Variants in COP1 observed in about 807,000 individuals in gnomAD.
COP1 encodes the protein COP1 E3 ubiquitin ligase, also known as E3 ubiquitin-protein ligase COP1.
COP1 carries 24 observed loss-of-function variants against 101.3 expected under a neutral mutation model. The observed-to-expected ratio is 0.24, with a 90% CI of 0.17 to 0.33. The LOEUF is 0.33. Ranked by LOEUF, COP1 falls within the 10% of genes least tolerant of loss-of-function variation. The probability of loss-of-function intolerance (pLI) is 1.00; values close to 1 mark genes in which losing one functional copy is unlikely to be tolerated. For missense variants in COP1, 663 were observed against 906.2 expected (o/e 0.73, Z 3.45); for synonymous variants, 347 against 341.9 (o/e 1.01, Z -0.17).
chr1:176,084,737 G>A (rs1266009327), intron 10 of COP1, among the ~76,000 whole-genome samples: 3 of 151,984 alleles, frequency 2.0e-5, no homozygotes, highest in African/African-American at 4.8e-5. Flanking sequence ...ACCACTAATC[G>A]TGAGGCAAAT....
chr1:176,005,078 T>C (rs1662770182), intron 15 of COP1, among the ~76,000 whole-genome samples: 3 of 152,204 alleles, frequency 2.0e-5, no homozygotes, highest in Admixed American at 2.0e-4. Flanking sequence ...GGTTTAGTCT[T>C]GGGAGGGTGT....
At chr1:176,043,885 A>C (rs187189582) in intron 12 of COP1, 67 bp from the exon 13 acceptor site, 1 of 928,928 alleles carries the variant, frequency 1.1e-6, no homozygotes, top group Non-Finnish European at 1.8e-6. Context: ...AAATAATTTT[A>C]ATGTGTTCAG....
At chr1:176,015,117 CA>C (rs979320181) in intron 15 of COP1, among the ~76,000 whole-genome samples, 6 of 151,916 alleles carry the variant, frequency 3.9e-5, no homozygotes, top group African/African-American at 1.2e-4. Flanking sequence ...TGGTAAGAGC[CA>C]GGGGAAGAAT....
At chr1:176,163,135 T>G in intron 4 of COP1, 147 bp from the exon 5 acceptor site, 1 of 663,372 alleles carries the variant, frequency 1.5e-6, no homozygotes, top group South Asian at 3.9e-5. Context: ...CCTTCCTAGC[T>G]AGTGGCTCCC....
chr1:176,047,143 G>C (rs907985761), intron 11 of COP1, among the ~76,000 whole-genome samples: 4 of 152,114 alleles, frequency 2.6e-5, no homozygotes, highest in Non-Finnish European at 5.9e-5. Context: ...GGTAGTAAAA[G>C]TTGAAATGAA....
chr1:176,010,128 A>G (rs1393334370), intron 15 of COP1, among the ~76,000 whole-genome samples: 1 of 152,016 alleles, frequency 6.6e-6, no homozygotes, highest in Admixed American at 6.6e-5. Flanking sequence ...GTTTCACCAT[A>G]TTTGCTTTAC....
At chr1:176,001,852 T>C (rs780975988) in intron 15 of COP1, among the ~76,000 whole-genome samples, 5 of 152,126 alleles carry the variant, frequency 3.3e-5, no homozygotes, top group Non-Finnish European at 7.4e-5. Flanking sequence ...TGATGAATAG[T>C]TTTGCTGAAT....
chr1:176,020,163 T>C (rs534244181), intron 15 of COP1, among the ~76,000 whole-genome samples: 103 of 148,710 alleles, frequency 6.9e-4, no homozygotes, highest in Non-Finnish European at 1.2e-3. Flanking sequence ...ATACAAAAAT[T>C]AGCCAGGCAT....
At chr1:176,145,251 C>T (rs752856887) in intron 6 of COP1, among the ~76,000 whole-genome samples, 5 of 152,034 alleles carry the variant, frequency 3.3e-5, no homozygotes, top group Non-Finnish European at 5.9e-5. Flanking sequence ...GTACTAGGTG[C>T]TCAACCTCAT....
chr1:175,960,346 C>T (rs1213500851), intron 18 of COP1, among the ~76,000 whole-genome samples: 3 of 152,168 alleles, frequency 2.0e-5, no homozygotes, highest in Non-Finnish European at 2.9e-5. Flanking sequence ...TAAAACAATG[C>T]TAATAAAACT....
At chr1:176,036,765 T>C (rs867876046) in intron 14 of COP1, among the ~76,000 whole-genome samples, 1 of 152,190 alleles carries the variant, frequency 6.6e-6, no homozygotes, top group Non-Finnish European at 1.5e-5. Flanking sequence ...TTTTGCTTAA[T>C]TGTAGGCCAA....
chr1:176,126,326 A>G (rs1012449080), intron 8 of COP1, among the ~76,000 whole-genome samples: 4 of 152,232 alleles, frequency 2.6e-5, no homozygotes, highest in Admixed American at 2.6e-4. Flanking sequence ...TCACTTTTTC[A>G]CCATTTAGTA....
chr1:176,167,302 A>G (rs1302687548), intron 3 of COP1, among the ~76,000 whole-genome samples: 1 of 152,234 alleles, frequency 6.6e-6, no homozygotes, highest in African/African-American at 2.4e-5. Context: ...AGCAGAAGAC[A>G]TCAGCTAGCA....
chr1:176,097,535 G>A (rs1682618425), intron 9 of COP1, among the ~76,000 whole-genome samples: 1 of 152,060 alleles, frequency 6.6e-6, no homozygotes, highest in African/African-American at 2.4e-5. Flanking sequence ...TGTGTTGTGT[G>A]TGTGATGTCT....
rs192990312 is a variant in COP1, at chr1:176,015,735, G to A, written c.1729+11837C>T. On this transcript the variant is annotated intron_variant, in intron 15 of 19. Coordinates refer to ENST00000367669, the MANE Select transcript of COP1 (RefSeq NM_022457.7). ...GAAGGATGGAAGAAATAGAGGAGTG[G>A]TCAATTATATTAAATAGTAATGAAA... Among the ~76,000 whole-genome samples the A allele has an allele frequency of 7.9e-5, 12 of 152,158 alleles. No individual in the cohort carries two copies. In the East Asian group the frequency reaches 1.2e-3, roughly 15 times the overall value.
rs535581195 is a variant in COP1, at chr1:175,994,877, G to C, written c.1730-5398C>G. Among the ~76,000 whole-genome samples, 5 of 152,238 alleles carry C rather than the reference G, an allele frequency of 3.3e-5. No homozygotes were observed. In the East Asian group the frequency reaches 9.6e-4, roughly 29 times the overall value. ...CAAGGATATCCAGGAATTGAACTCA[G>C]CTCTGCACCAAGCAGACTTAATGGA... On this transcript the variant is annotated intron_variant, in intron 15 of 19. Coordinates refer to ENST00000367669, the MANE Select transcript of COP1 (RefSeq NM_022457.7).
At chr1:176,168,765 G>A in intron 3 of COP1, 1 of 257,972 alleles carries the variant, frequency 3.9e-6, no homozygotes, top group Non-Finnish European at 8.0e-6. Flanking sequence ...GGAAGTAAGG[G>A]AGAAACAGAA....
At chr1:176,105,768 T>C (rs527322491) in intron 9 of COP1, among the ~76,000 whole-genome samples, 4 of 152,218 alleles carry the variant, frequency 2.6e-5, no homozygotes, top group Non-Finnish European at 4.4e-5. Context: ...TGGTCAGCAT[T>C]GTTTAGTAAT....
intron 11 of COP1, among the ~76,000 whole-genome samples, chr1:176,049,817 C>T (rs1305376795): frequency 6.6e-6 from 1 of 152,084 alleles, no homozygotes; most frequent in Non-Finnish European, 1.5e-5. Flanking sequence ...CTTATATTAA[C>T]AGTATGATAT....
Sources: gnomAD v4.1 joint callset for allele counts (sites outside exome capture counted in the v4.1 genomes callset) on GRCh38, gnomAD v4.1.1 for gene constraint, MANE v1.5 for transcripts, NCBI Gene and HGNC (gene_info 2026-07-23, HGNC 2026-07-21) for gene names.